Variants in PARPBP observed in about 807,000 individuals in gnomAD.
The protein encoded by PARPBP is PARP1 binding protein.
In PARPBP, 52 loss-of-function variants were observed where a neutral mutation model predicts 50.0. The ratio of observed to expected loss-of-function variants is 1.04; its 90% confidence interval spans 0.83 to 1.31. The LOEUF (loss-of-function observed/expected upper bound fraction) is 1.31. PARPBP is among the 50% of genes most tolerant of loss of function. The pLI is 0.00. For missense variants in PARPBP, 697 were observed against 672.0 expected, an observed-to-expected ratio of 1.04 and a Z score of -0.41; for synonymous variants, 244 against 232.1, an observed-to-expected ratio of 1.05 and a Z score of -0.47.
At position 102,165,765 on chromosome 12, in the gene PARPBP, G is replaced by A. The variant is rs1330214298; in HGVS notation, c.703G>A (p.Gly235Arg). Residue 235 changes from glycine (G) to arginine (R), a missense_variant, in exon 6 of 11, where the codon GGG becomes AGG. Coordinates refer to ENST00000327680, the MANE Select transcript of PARPBP (RefSeq NM_017915.5). ...TSFIRTIELG[G>R]KGYAPPPSDP... ...TTTTATTAGAACAATAGAGCTTGGA[G>A]GGAAAGGATATGCACCACCACCATC... 1.9e-6 allele frequency: 3 copies of A among 1,609,454 alleles called. No homozygotes were observed. Among genetic ancestry groups the A allele is most frequent in the Non-Finnish European group, 1.7e-6 (2 of 1,177,026 alleles).
At chr12:102,144,068 T>TC (rs1885030552) in intron 2 of PARPBP, among the ~76,000 whole-genome samples, 2 of 152,350 alleles carry the variant, frequency 1.3e-5, no homozygotes, top group South Asian at 4.1e-4. Flanking sequence ...TGTTATTTAA[T>TC]CTGTGTAATC....
chr12:102,147,561 C>G (rs892743244), intron 2 of PARPBP, among the ~76,000 whole-genome samples: 15 of 108,400 alleles, frequency 1.4e-4, no homozygotes, highest in Admixed American at 1.3e-4. Context: ...TCTGGGGACT[C>G]TTGTGGGGTG....
At chr12:102,179,911 C>T (rs1415642366) in intron 8 of PARPBP, among the ~76,000 whole-genome samples, 1 of 152,130 alleles carries the variant, frequency 6.6e-6, no homozygotes, top group Non-Finnish European at 1.5e-5. Flanking sequence ...TATCGTACCG[C>T]TTGATCTCTT....
At chr12:102,191,784 C>T (rs1232800146) in intron 9 of PARPBP, among the ~76,000 whole-genome samples, 3 of 152,122 alleles carry the variant, frequency 2.0e-5, no homozygotes, top group Non-Finnish European at 2.9e-5. Context: ...GAGGAAATCA[C>T]TCTACAAAGG....
rs536717213 is a variant in PARPBP at position 102,139,418 on chromosome 12, T to C, written c.154-8812T>C. Among the ~76,000 whole-genome samples, 149 of 152,366 alleles carry C rather than the reference T, an allele frequency of 9.8e-4. 1 individual carries two copies. The highest frequency in any genetic ancestry group is 3.6e-3 in the African/African-American group (148 of 41,586). On this transcript the variant is annotated intron_variant, in intron 2 of 10. Transcript: ENST00000327680. ...GGGGTTTTCTAAATATACAATAATG[T>C]CATCTGCAAACAGGGACAATTTGAC...
intron 2 of PARPBP, among the ~76,000 whole-genome samples, chr12:102,130,747 C>T (rs934401651): frequency 2.6e-5 from 4 of 151,230 alleles, no homozygotes; most frequent in African/African-American, 4.9e-5. Context: ...CCCAGCTACT[C>T]GGGAGACTGA....
At chr12:102,144,371 C>A (rs1185740777) in intron 2 of PARPBP, among the ~76,000 whole-genome samples, 1 of 151,878 alleles carries the variant, frequency 6.6e-6, no homozygotes, top group Non-Finnish European at 1.5e-5. Context: ...TTTTGAACTT[C>A]CTTCATATAT....
chr12:102,176,960 A>G (rs184624696), intron 7 of PARPBP, among the ~76,000 whole-genome samples: 1 of 152,224 alleles, frequency 6.6e-6, no homozygotes, highest in Non-Finnish European at 1.5e-5. Flanking sequence ...TCAAATAATT[A>G]AAAACATCAA....
At chr12:102,135,687 T>C (rs11111172) in intron 2 of PARPBP, among the ~76,000 whole-genome samples, 28,689 of 152,112 alleles carry the variant, frequency 0.19, 2,752 homozygotes, top group Non-Finnish European at 0.21. Flanking sequence ...ATAAGACCGT[T>C]ACTTGTATAA....
chr12:102,180,247 A>AT (rs1445963446), intron 8 of PARPBP, among the ~76,000 whole-genome samples: 1 of 151,986 alleles, frequency 6.6e-6, no homozygotes, highest in East Asian at 1.9e-4. Flanking sequence ...ATGAACTTTT[A>AT]TTTTTTCTCT....
intron 2 of PARPBP, among the ~76,000 whole-genome samples, chr12:102,133,310 A>G (rs1883142341): frequency 6.6e-6 from 1 of 152,092 alleles, no homozygotes; most frequent in African/African-American, 2.4e-5. Flanking sequence ...TCTCATGTTG[A>G]AGTATTTTTT....
intron 2 of PARPBP, among the ~76,000 whole-genome samples, chr12:102,138,170 T>G (rs1883968013): frequency 6.6e-6 from 1 of 152,196 alleles, no homozygotes; most frequent in South Asian, 2.1e-4. Context: ...GCACCTTTTG[T>G]TTCCTGACTT....
At chr12:102,166,451 A>G (rs1474840661) in intron 6 of PARPBP, among the ~76,000 whole-genome samples, 2 of 152,132 alleles carry the variant, frequency 1.3e-5, no homozygotes, top group Non-Finnish European at 2.9e-5. Context: ...GCTAGCAATC[A>G]TGGTGGATCA....
chr12:102,194,761 A>G (rs1228447522), intron 9 of PARPBP, among the ~76,000 whole-genome samples: 1 of 151,814 alleles, frequency 6.6e-6, no homozygotes. Context: ...TCGAGAAATA[A>G]TGTCTTTCCT....
rs146858211 is a variant in PARPBP at position 102,148,365 on chromosome 12, G to T, written c.289G>T (p.Asp97Tyr). ...HYEDVRKIYD[D>Y]FLKNSNMLDL... The stretch of plus-strand genomic sequence containing the variant: ...TGAGGACGTTAGGAAGATTTATGAT[G>T]ATTTCTTGAAGAACAGTAATATGTT... Residue 97 changes from aspartate (D) to tyrosine (Y), a missense_variant, in exon 3 of 11, where the codon GAT (aspartate) becomes TAT (tyrosine). Asp to Tyr is a radical substitution (Grantham distance 160). Coordinates refer to ENST00000327680, the MANE Select transcript of PARPBP (RefSeq NM_017915.5). 1 of 1,589,272 alleles carries T rather than the reference G, an allele frequency of 6.3e-7. No individual in the cohort carries two copies. Among genetic ancestry groups the T allele is most frequent in the South Asian group, 1.1e-5 (1 of 90,470 alleles).
chr12:102,178,994 T>A (rs769555670), intron 8 of PARPBP, among the ~76,000 whole-genome samples: 1 of 152,194 alleles, frequency 6.6e-6, no homozygotes, highest in Non-Finnish European at 1.5e-5. Context: ...TTCAGTGTTG[T>A]TTTTAGTTCT....
intron 6 of PARPBP, among the ~76,000 whole-genome samples, chr12:102,166,531 A>T (rs1328905833): frequency 6.6e-6 from 1 of 152,186 alleles, no homozygotes; most frequent in Non-Finnish European, 1.5e-5. Context: ...AACACTTGTT[A>T]CATGTCAGAC....
At chr12:102,161,251 G>A (rs1887554790) in intron 4 of PARPBP, among the ~76,000 whole-genome samples, 1 of 151,830 alleles carries the variant, frequency 6.6e-6, no homozygotes, top group African/African-American at 2.4e-5. Flanking sequence ...GATTACAGGT[G>A]TGTGCCACCA....
At chr12:102,158,404 G>T (rs1171278453) in intron 4 of PARPBP, among the ~76,000 whole-genome samples, 2 of 152,086 alleles carry the variant, frequency 1.3e-5, no homozygotes, top group Admixed American at 6.5e-5. Context: ...TTTAAAATGA[G>T]TTACACTCAT....
Sources: allele counts gnomAD v4.1 joint callset (sites outside exome capture counted in the v4.1 genomes callset), GRCh38; gene constraint gnomAD v4.1.1; transcripts MANE v1.5; gene names NCBI Gene and HGNC (gene_info 2026-07-23, HGNC 2026-07-21).